Variants in OTC observed in about 807,000 individuals in gnomAD.
The protein encoded by OTC is ornithine transcarbamylase, mitochondrial.
In OTC, 3 loss-of-function variants were observed where a neutral mutation model predicts 30.3. The observed-to-expected ratio is 0.10, with a 90% CI of 0.05 to 0.26. OTC has a LOEUF of 0.26. Ranked by LOEUF, OTC falls within the 10% of genes least tolerant of loss-of-function variation. The probability of loss-of-function intolerance (pLI) is 1.00; values close to 1 mark genes in which losing one functional copy is unlikely to be tolerated. For synonymous variants in OTC, 111 were observed against 99.7 expected, an observed-to-expected ratio of 1.11 and a Z score of -0.67; for missense variants, 194 against 260.3, an observed-to-expected ratio of 0.75 and a Z score of 1.75.
Position 38,408,894 on chromosome X carries a change from C to G in OTC, c.736C>G (p.Leu246Val), listed in dbSNP as rs1168053730. ...YAKENGTKLL[L>V]TNDPLEAAHG... ...ATGCTAGAATGGTACCAAGCTGTTG[C>G]TGACAAATGATCCATTGGAAGCAGC... Residue 246 changes from leucine (L) to valine (V), a missense_variant, in exon 8 of 10, where the codon CTG becomes GTG. By Grantham distance (32) the Leu-to-Val change is conservative. Coordinates refer to ENST00000039007, the MANE Select transcript of OTC (RefSeq NM_000531.6). 1 of 1,210,541 alleles carries G rather than the reference C, an allele frequency of 8.3e-7. No homozygotes were observed. Among genetic ancestry groups the G allele is most frequent in the East Asian group, 3.0e-5 (1 of 33,763 alleles).
At chrX:38,341,856 A>G in the OTC span, among the ~76,000 whole-genome samples, 1 of 110,620 alleles carries the variant, frequency 9.0e-6, no homozygotes, top group African/African-American at 3.3e-5. Context: ...AGAAGAAAGA[A>G]GAAAACACAT....
intron 1 of OTC, among the ~76,000 whole-genome samples, chrX:38,357,315 C>T (rs1264686040): frequency 8.9e-6 from 1 of 112,263 alleles, no homozygotes; most frequent in African/African-American, 3.2e-5. Flanking sequence ...GCCAATCTAC[C>T]TTTGCCTAAT....
At chrX:38,341,508 C>T in the OTC span, among the ~76,000 whole-genome samples, 2 of 111,889 alleles carry the variant, frequency 1.8e-5, no homozygotes, top group African/African-American at 3.2e-5. Flanking sequence ...GTTTCCATGT[C>T]CCCTGTTGCT....
In OTC at chrX:38,412,012, C is replaced by A; in HGVS notation, c.1005+13C>A. 1 of 1,207,615 alleles carries A rather than the reference C, an allele frequency of 8.3e-7. No homozygotes were observed. The highest frequency in any genetic ancestry group is 2.3e-4 in the Middle Eastern group (1 of 4,347). ...GTGGACAATCATGGTAAGCAAGAAA[C>A]AAGGAATGGAGGATAAGTTCTTTGT... On this transcript the variant is annotated intron_variant, in intron 9 of 9. Coordinates refer to ENST00000039007, the MANE Select transcript of OTC (RefSeq NM_000531.6).
chrX:38,352,794 T>G (rs1469413631), intron 1 of OTC, 21 bp downstream of exon 1: 3 of 1,127,533 alleles, frequency 2.7e-6, no homozygotes, highest in South Asian at 1.8e-5. Flanking sequence ...GTCAGAGACT[T>G]GGGTTTGATT....
intron 4 of OTC, among the ~76,000 whole-genome samples, chrX:38,386,349 G>A (rs1474122524): frequency 6.2e-5 from 6 of 97,182 alleles, no homozygotes; most frequent in African/African-American, 2.2e-4. Context: ...CCCCAGCCTG[G>A]GTGACAGAGT....
Position 38,421,193 on chromosome X carries a change from A to G in OTC, c.*111A>G. 1.8e-6 allele frequency: 1 copy of G among 558,043 alleles called. No individual in the cohort carries two copies. The highest frequency in any genetic ancestry group is 3.1e-6 in the Non-Finnish European group (1 of 318,540). The allele number at this position is 558,043 out of a possible 1,213,427, so 46.0% of individuals were successfully genotyped here. ...AATAAACAAATCCCTAACACGTGGT[A>G]TGGGTGAACCGTATGATATGCTTTG... is the stretch of plus-strand genomic sequence containing the variant. On this transcript the variant is annotated 3_prime_UTR_variant, in exon 10 of 10. Coordinates refer to ENST00000039007, the MANE Select transcript of OTC (RefSeq NM_000531.6).
intron 1 of OTC, among the ~76,000 whole-genome samples, chrX:38,364,748 C>T (rs919867748): frequency 8.3e-5 from 9 of 108,689 alleles, no homozygotes; most frequent in African/African-American, 2.7e-4. Flanking sequence ...GCCGAGATCA[C>T]GTCACTGTAC....
intron 1 of OTC, among the ~76,000 whole-genome samples, chrX:38,365,461 A>G (rs916798826): frequency 1.8e-5 from 2 of 112,970 alleles, no homozygotes; most frequent in Non-Finnish European, 1.9e-5. Context: ...GAGATGCTAG[A>G]CCACTAAAAA....
At chrX:38,350,654 C>T (rs771910906), upstream of OTC, among the ~76,000 whole-genome samples, 2 of 111,646 alleles carry the variant, frequency 1.8e-5, no homozygotes, top group Non-Finnish European at 3.8e-5. Flanking sequence ...CTCCCCTTTT[C>T]CAATCCCTCT....
the OTC span, among the ~76,000 whole-genome samples, chrX:38,338,586 C>CT: frequency 3.6e-5 from 4 of 112,153 alleles, no homozygotes; most frequent in East Asian, 2.8e-4. Flanking sequence ...TGCCCCCTTC[C>CT]TTTTTTTGTT....
chrX:38,415,985 A>G (rs1007955737), intron 9 of OTC, among the ~76,000 whole-genome samples: 3 of 112,457 alleles, frequency 2.7e-5, no homozygotes, highest in South Asian at 3.7e-4. Flanking sequence ...CAGCACAGAC[A>G]TCGAACACTT....
upstream of OTC, among the ~76,000 whole-genome samples, chrX:38,351,909 C>T (rs1352910121): frequency 1.8e-5 from 2 of 111,269 alleles, no homozygotes; most frequent in African/African-American, 6.6e-5. Context: ...TACAGGTGTG[C>T]ACCACCACGT....
At chrX:38,331,453 TTG>T in the OTC span, among the ~76,000 whole-genome samples, 20 of 77,097 alleles carry the variant, frequency 2.6e-4, 2 homozygotes, top group South Asian at 6.9e-4. Context: ...TTTTTTTTTT[TTG>T]TTTGTTTTTT....
intron 1 of OTC, among the ~76,000 whole-genome samples, chrX:38,366,136 C>G (rs991189785): frequency 2.7e-5 from 3 of 111,591 alleles, no homozygotes; most frequent in African/African-American, 9.8e-5. Flanking sequence ...CCTCACCTTC[C>G]CTTGGCTTCA....
chrX:38,376,110 G>A (rs773812318), intron 3 of OTC, among the ~76,000 whole-genome samples: 1 of 110,514 alleles, frequency 9.0e-6, no homozygotes, highest in Non-Finnish European at 1.9e-5. Context: ...TAACGTGAAG[G>A]TCACTGATAA....
At chrX:38,383,972 C>T (rs781364924) in intron 4 of OTC, among the ~76,000 whole-genome samples, 38 of 111,432 alleles carry the variant, frequency 3.4e-4, no homozygotes, top group Non-Finnish European at 6.0e-4. Context: ...GAAAGTATAC[C>T]AAGCACAATC....
chrX:38,421,079 T>C lies in OTC; in HGVS notation c.1062T>C (p.Phe354=). ...CACCTCAGCTCCAGAAGCCTAAATT[T>C]TGATGTTGTGTTACTTGTCAAGAAA... The part of the protein sequence containing the change: ...DYSPQLQKPK[F] Residue 354 remains phenylalanine, a synonymous_variant, in exon 10 of 10, where the codon TTT becomes TTC. Transcript: ENST00000039007. 8.4e-7 allele frequency: 1 copy of C among 1,183,685 alleles called. No individual in the cohort carries two copies. The highest frequency in any genetic ancestry group is 1.1e-6 in the Non-Finnish European group (1 of 870,175).
chrX:38,332,021 C>T, the OTC span, among the ~76,000 whole-genome samples: 43 of 110,771 alleles, frequency 3.9e-4, no homozygotes, highest in Non-Finnish European at 7.7e-4. Flanking sequence ...CAGTCACTCC[C>T]CACCACCCAA....
Sources: gnomAD v4.1 joint callset for allele counts (sites outside exome capture counted in the v4.1 genomes callset) on GRCh38, gnomAD v4.1.1 for gene constraint, MANE v1.5 for transcripts, NCBI Gene and HGNC (gene_info 2026-07-23, HGNC 2026-07-21) for gene names.